DMTF1: variants seen among roughly 807,000 people sequenced by gnomAD.
DMTF1 encodes cyclin D binding myb like transcription factor 1.
A neutral mutation model predicts 91.1 loss-of-function variants in DMTF1; 39 were observed. The observed-to-expected ratio is 0.43, with a 90% CI of 0.33 to 0.56. The LOEUF (loss-of-function observed/expected upper bound fraction) is 0.56. DMTF1 is among the 20% of genes least tolerant of loss of function. DMTF1 has a pLI of 0.05. For missense variants in DMTF1, 750 were observed against 914.5 expected (o/e 0.82, Z 2.32); for synonymous variants, 338 against 309.5 (o/e 1.09, Z -0.97).
At chr7:87,190,031 T>G (rs956691804) in intron 13 of DMTF1, among the ~76,000 whole-genome samples, 4 of 152,068 alleles carry the variant, frequency 2.6e-5, no homozygotes, top group Non-Finnish European at 5.9e-5. Flanking sequence ...TAATAAACAT[T>G]ACACAGTAAA....
intron 8 of DMTF1, among the ~76,000 whole-genome samples, chr7:87,180,555 A>G (rs1434094536): frequency 6.6e-6 from 1 of 152,214 alleles, no homozygotes; most frequent in Non-Finnish European, 1.5e-5. Flanking sequence ...TCAGATGTCC[A>G]TACCTGGGTA....
In DMTF1 at chr7:87,188,247, A is replaced by G. The variant is rs1798904562; in HGVS notation, c.1357A>G (p.Ile453Val). Residue 453 changes from isoleucine to valine, a missense_variant, in exon 13 of 18, where the codon ATC becomes GTC. Ile to Val is a conservative substitution (Grantham distance 29). Transcript: ENST00000331242. The part of the protein sequence containing the change: ...RVARLEDNTA[I>V]SSSPMAALQI... Reference sequence around the variant, plus strand: ...TGCCCGCTTGGAAGATAATACAGCCATCTCTTCTAGCCCCATGGCAGCATT... The same window carrying G: ...TGCCCGCTTGGAAGATAATACAGCCGTCTCTTCTAGCCCCATGGCAGCATT... 3 of 1,613,848 alleles carry G rather than the reference A, an allele frequency of 1.9e-6. No individual in the cohort carries two copies. The highest frequency in any genetic ancestry group is 2.5e-6 in the Non-Finnish European group (3 of 1,179,896).
rs1800475616 is a variant in DMTF1, at chr7:87,193,706, G to T, written c.1651-19G>T. The T allele has an allele frequency of 6.4e-7, 1 of 1,565,506 alleles. No individual in the cohort carries two copies. On this transcript the variant is annotated intron_variant, in intron 15 of 17. Transcript: ENST00000331242. ...GTCATTTGATTTACAACTTTAACAGGTTCTTTAATGTTTTATAGCCAGAAC... is the reference window on the plus strand; with the variant it reads ...GTCATTTGATTTACAACTTTAACAGTTTCTTTAATGTTTTATAGCCAGAAC...
chr7:87,193,103 T>TA, intron 14 of DMTF1, 95 bp from the exon 15 acceptor site: 1 of 1,310,918 alleles, frequency 7.6e-7, no homozygotes, highest in Admixed American at 1.9e-5. Flanking sequence ...TCACAATGGG[T>TA]AAGTACATTT....
At chr7:87,152,933 G>A (rs1261431869) in intron 1 of DMTF1, 4 of 154,556 alleles carry the variant, frequency 2.6e-5, no homozygotes, top group Non-Finnish European at 5.9e-5. Context: ...TGGGCCAGAA[G>A]GAGTGGAGAC....
At chr7:87,162,217 G>A (rs917596117) in intron 1 of DMTF1, among the ~76,000 whole-genome samples, 1 of 151,996 alleles carries the variant, frequency 6.6e-6, no homozygotes, top group African/African-American at 2.4e-5. Context: ...GAGATTATAG[G>A]CATACACCAC....
intron 13 of DMTF1, among the ~76,000 whole-genome samples, chr7:87,189,643 A>G (rs1295333671): frequency 6.6e-6 from 1 of 152,152 alleles, no homozygotes; most frequent in Non-Finnish European, 1.5e-5. Context: ...TACCTGTAGC[A>G]TTCTAACTAA....
chr7:87,157,558 C>T (rs918538118), intron 1 of DMTF1, among the ~76,000 whole-genome samples: 21 of 152,094 alleles, frequency 1.4e-4, no homozygotes, highest in Admixed American at 1.1e-3. Context: ...AAAATCAGGA[C>T]GATAGGTAGA....
At chr7:87,166,207 A>G (rs893473948) in intron 3 of DMTF1, among the ~76,000 whole-genome samples, 15 of 152,168 alleles carry the variant, frequency 9.9e-5, no homozygotes, top group African/African-American at 3.6e-4. Flanking sequence ...GTGTCATTGC[A>G]CATATTGCTT....
intron 4 of DMTF1, among the ~76,000 whole-genome samples, chr7:87,169,899 CACTT>C (rs1794692719): frequency 6.6e-6 from 1 of 152,292 alleles, no homozygotes; most frequent in African/African-American, 2.4e-5. Flanking sequence ...TTTCTTTACT[CACTT>C]TTTAGGTGAT....
In DMTF1 at chr7:87,169,663, A is replaced by G. The variant is rs527985488; in HGVS notation, c.233-1332A>G. On this transcript the variant is annotated intron_variant, in intron 4 of 17. Transcript: ENST00000331242. ...AAAGACCTTCTTGTTGCCAAATTCA[A>G]TGGTCACTTTTTTAGTGTTTGCGTT... 4.6e-4 allele frequency among the ~76,000 whole-genome samples: 70 copies of G among 152,244 alleles called. 1 individual carries two copies. Among genetic ancestry groups the G allele is most frequent in the African/African-American group, 1.6e-3 (65 of 41,548 alleles).
chr7:87,182,473 T>G, intron 10 of DMTF1, 136 bp downstream of exon 10: 2 of 762,680 alleles, frequency 2.6e-6, no homozygotes, highest in Non-Finnish European at 4.2e-6. Context: ...CTAGTCTTCC[T>G]TTTCCTTGAG....
At chr7:87,165,174 G>C (rs1487642656) in intron 3 of DMTF1, 124 bp downstream of exon 3, 1 of 500,852 alleles carries the variant, frequency 2.0e-6, no homozygotes, top group Non-Finnish European at 3.5e-6. Context: ...AGTAGAAAAG[G>C]AGATTATCTC....
intron 8 of DMTF1, 70 bp from the exon 9 acceptor site, chr7:87,181,239 C>G: frequency 1.4e-6 from 1 of 734,788 alleles, no homozygotes; most frequent in Non-Finnish European, 2.4e-6. Flanking sequence ...AAATGAAATT[C>G]TGATTTTTAT....
At chr7:87,167,240 G>A (rs1417201415) in intron 4 of DMTF1, among the ~76,000 whole-genome samples, 1 of 152,152 alleles carries the variant, frequency 6.6e-6, no homozygotes, top group East Asian at 1.9e-4. Context: ...TACCGAGAAA[G>A]TTCTTAATGT....
intron 11 of DMTF1, chr7:87,185,094 A>ATCCAT (rs1441438876): frequency 3.8e-6 from 1 of 263,582 alleles, no homozygotes; most frequent in Non-Finnish European, 7.6e-6. Context: ...AATCAAACAC[A>ATCCAT]TCCATTTCAT....
chr7:87,183,319 G>GT (rs1336083284), intron 10 of DMTF1, among the ~76,000 whole-genome samples: 1 of 152,184 alleles, frequency 6.6e-6, no homozygotes, highest in African/African-American at 2.4e-5. Context: ...GGATCTCAGA[G>GT]TTTCATGTAA....
chr7:87,160,774 CTT>C (rs1314297123), intron 1 of DMTF1, among the ~76,000 whole-genome samples: 1 of 152,176 alleles, frequency 6.6e-6, no homozygotes, highest in Non-Finnish European at 1.5e-5. Flanking sequence ...AAAAAACACT[CTT>C]GTGCTTCTTA....
intron 11 of DMTF1, chr7:87,184,999 T>C: frequency 2.4e-6 from 1 of 413,204 alleles, no homozygotes; most frequent in Non-Finnish European, 4.8e-6. Flanking sequence ...TCAGTCTCCA[T>C]GCCCTTCAAT....
Sources: allele counts gnomAD v4.1 joint callset (sites outside exome capture counted in the v4.1 genomes callset), GRCh38; gene constraint gnomAD v4.1.1; transcripts MANE v1.5; gene names NCBI Gene and HGNC (gene_info 2026-07-23, HGNC 2026-07-21).